Variants in MACROD2 observed in about 807,000 individuals in gnomAD.
MACROD2 encodes ADP-ribose glycohydrolase MACROD2.
A neutral mutation model predicts 70.4 loss-of-function variants in MACROD2; 36 were observed. That is an observed-to-expected ratio of 0.51 (90% CI 0.39 to 0.68). The LOEUF (loss-of-function observed/expected upper bound fraction) is 0.68. MACROD2 is among the 30% of genes least tolerant of loss of function. The pLI, the probability that MACROD2 is intolerant of heterozygous loss-of-function variation, is 0.00. For missense variants in MACROD2, 496 were observed against 538.4 expected (o/e 0.92, Z 0.78); for synonymous variants, 172 against 178.8 (o/e 0.96, Z 0.30).
chr20:15,977,537 A>C (rs949993608), intron 13 of MACROD2, among the ~76,000 whole-genome samples: 1 of 152,246 alleles, frequency 6.6e-6, no homozygotes, highest in Admixed American at 6.5e-5. Flanking sequence ...AAGAGAAAGT[A>C]AGTTATAGTC....
intron 5 of MACROD2, among the ~76,000 whole-genome samples, chr20:14,702,725 A>G (rs1447988990): frequency 6.2e-5 from 9 of 144,930 alleles, no homozygotes; most frequent in South Asian, 2.2e-4. Context: ...ATATATGTGT[A>G]TATATATATA....
chr20:15,170,897 C>T (rs917276153), intron 5 of MACROD2, among the ~76,000 whole-genome samples: 16 of 152,222 alleles, frequency 1.1e-4, no homozygotes, highest in Admixed American at 3.3e-4. Context: ...CCACTGCTGG[C>T]TGCCCAGCTT....
intron 3 of MACROD2, among the ~76,000 whole-genome samples, chr20:14,476,306 T>A (rs920757219): frequency 1.1e-4 from 17 of 152,202 alleles, no homozygotes; most frequent in African/African-American, 4.1e-4. Flanking sequence ...ACTACTGAGC[T>A]ACTAATCACT....
At chr20:16,002,371 C>T (rs1160054859) in intron 15 of MACROD2, among the ~76,000 whole-genome samples, 4 of 152,220 alleles carry the variant, frequency 2.6e-5, no homozygotes, top group East Asian at 1.9e-4. Context: ...GGAAAAGAGA[C>T]GATGCTGATG....
intron 8 of MACROD2, among the ~76,000 whole-genome samples, chr20:15,507,541 A>T: frequency 7.2e-6 from 1 of 138,284 alleles, no homozygotes; most frequent in Admixed American, 7.8e-5. Flanking sequence ...TCTTCCCCCC[A>T]CCAGCCCGCC....
intron 3 of MACROD2, among the ~76,000 whole-genome samples, chr20:14,432,821 G>GT (rs2084010084): frequency 6.6e-6 from 1 of 152,158 alleles, no homozygotes; most frequent in Non-Finnish European, 1.5e-5. Flanking sequence ...TCTTATGGTA[G>GT]TAAATGACCC....
intron 8 of MACROD2, among the ~76,000 whole-genome samples, chr20:15,512,900 A>T (rs2047518552): frequency 6.6e-6 from 1 of 152,210 alleles, no homozygotes; most frequent in South Asian, 2.1e-4. Context: ...TGGGGTGTGC[A>T]TTTGACAGTG....
At chr20:14,417,079 AT>A (rs2083817136) in intron 3 of MACROD2, among the ~76,000 whole-genome samples, 1 of 42,202 alleles carries the variant, frequency 2.4e-5, no homozygotes, top group Non-Finnish European at 5.9e-5. Flanking sequence ...CTATCTATCT[AT>A]CTATCTATCT....
At chr20:15,228,359 C>T (rs1272637805) in intron 5 of MACROD2, among the ~76,000 whole-genome samples, 2 of 151,984 alleles carry the variant, frequency 1.3e-5, no homozygotes, top group Non-Finnish European at 2.9e-5. Context: ...TATCGGCTGA[C>T]AAGGGTTTAA....
chr20:14,546,435 T>C (rs1177542284), intron 4 of MACROD2, among the ~76,000 whole-genome samples: 1 of 152,192 alleles, frequency 6.6e-6, no homozygotes, highest in Non-Finnish European at 1.5e-5. Context: ...CTACTGTTCA[T>C]AAGTGTTTCT....
intron 6 of MACROD2, among the ~76,000 whole-genome samples, chr20:15,429,929 C>T (rs1428915725): frequency 1.3e-5 from 2 of 152,054 alleles, no homozygotes; most frequent in Non-Finnish European, 2.9e-5. Flanking sequence ...CCCTTGCCTC[C>T]TTCCACCTTT....
intron 3 of MACROD2, among the ~76,000 whole-genome samples, chr20:14,178,414 T>G (rs1157102847): frequency 6.6e-6 from 1 of 152,206 alleles, no homozygotes; most frequent in Non-Finnish European, 1.5e-5. Context: ...GAATATTCTG[T>G]TATGAAAAAA....
chr20:15,713,987 G>GCACACACACACACACACA (rs3071356), intron 8 of MACROD2, among the ~76,000 whole-genome samples: 2 of 117,698 alleles, frequency 1.7e-5, no homozygotes, highest in East Asian at 5.0e-4. Context: ...ACACACATAT[G>GCACACACACACACACACA]CACACACACA....
chr20:15,559,605 A>G (rs1188519030), intron 8 of MACROD2, among the ~76,000 whole-genome samples: 1 of 152,190 alleles, frequency 6.6e-6, no homozygotes, highest in Non-Finnish European at 1.5e-5. Context: ...GACTTCTCTC[A>G]TGGGAAGAGA....
chr20:14,674,757 C>T (rs2070838734), intron 4 of MACROD2, among the ~76,000 whole-genome samples: 1 of 152,140 alleles, frequency 6.6e-6, no homozygotes, highest in South Asian at 2.1e-4. Flanking sequence ...ATGCAGAATG[C>T]TTTGTGCAAG....
intron 4 of MACROD2, among the ~76,000 whole-genome samples, chr20:14,495,236 A>T (rs2084840528): frequency 6.6e-6 from 1 of 152,146 alleles, no homozygotes; most frequent in Non-Finnish European, 1.5e-5. Flanking sequence ...TTGTGTGATG[A>T]ATCAGAGACT....
At chr20:15,615,166 A>G (rs2049020667) in intron 8 of MACROD2, among the ~76,000 whole-genome samples, 1 of 152,216 alleles carries the variant, frequency 6.6e-6, no homozygotes, top group African/African-American at 2.4e-5. Context: ...AAACACAGGC[A>G]TGCTCATGTC....
intron 8 of MACROD2, among the ~76,000 whole-genome samples, chr20:15,527,584 C>T (rs1335946510): frequency 6.6e-6 from 1 of 152,152 alleles, no homozygotes; most frequent in Non-Finnish European, 1.5e-5. Context: ...ATCATAACTA[C>T]CCAGCACTAC....
At chr20:14,679,653 G>C (rs1031031770) in intron 4 of MACROD2, among the ~76,000 whole-genome samples, 6 of 152,016 alleles carry the variant, frequency 3.9e-5, no homozygotes, top group Non-Finnish European at 2.9e-5. Context: ...GTACATATAG[G>C]GGTATTACCT....
Sources: gnomAD v4.1 joint callset for allele counts (sites outside exome capture counted in the v4.1 genomes callset) on GRCh38, gnomAD v4.1.1 for gene constraint, MANE v1.5 for transcripts, NCBI Gene and HGNC (gene_info 2026-07-23, HGNC 2026-07-21) for gene names.